KIF20B: variants seen among roughly 807,000 people sequenced by gnomAD.
KIF20B encodes kinesin family member 20B.
A neutral mutation model predicts 232.5 loss-of-function variants in KIF20B; 188 were observed. The ratio of observed to expected loss-of-function variants is 0.81; its 90% confidence interval spans 0.72 to 0.91. The LOEUF (loss-of-function observed/expected upper bound fraction) is 0.91. KIF20B is among the 40% of genes least tolerant of loss of function. The pLI is 0.00. For synonymous variants in KIF20B, 712 were observed against 683.0 expected (o/e 1.04, Z -0.66); for missense variants, 2,154 against 2,055.9 (o/e 1.05, Z -0.92).
chr10:89,721,821 AT>A (rs1843063969), intron 13 of KIF20B, among the ~76,000 whole-genome samples: 1 of 152,174 alleles, frequency 6.6e-6, no homozygotes, highest in Non-Finnish European at 1.5e-5. Flanking sequence ...ATAAATGCTT[AT>A]CATATAAGAT....
chr10:89,731,245 A>G (rs1236733366), intron 18 of KIF20B, among the ~76,000 whole-genome samples: 10 of 152,188 alleles, frequency 6.6e-5, no homozygotes, highest in Non-Finnish European at 1.5e-4. Flanking sequence ...TTCACATGGG[A>G]TTATATTTAT....
In KIF20B at chr10:89,768,981, G is replaced by T. The variant is rs1057363249; in HGVS notation, c.5242+93G>T. On this transcript the variant is annotated intron_variant, in intron 31 of 32. Coordinates refer to ENST00000371728, the MANE Select transcript of KIF20B (RefSeq NM_001284259.2). ...TATATAAACTCAACAGCTGTTCAGG[G>T]AATATTATACTTCAAATAGGCATTG... The T allele has an allele frequency of 2.9e-6, 3 of 1,037,262 alleles. No individual in the cohort carries two copies. The African/African-American group carries it at 4.9e-5, about 17-fold the overall frequency. 64.3% of individuals were successfully genotyped at this position (1,037,262 alleles called of 1,614,324 possible). A position where few individuals can be genotyped will look rare whatever the true frequency, so the allele number is the denominator to read the frequency against.
chr10:89,718,845 A>G lies in KIF20B; in HGVS notation c.1407A>G (p.Val469=), dbSNP rs1842989934. 2 of 1,586,322 alleles carry G rather than the reference A, an allele frequency of 1.3e-6. No individual in the cohort carries two copies. The highest frequency in any genetic ancestry group is 1.7e-6 in the Non-Finnish European group (2 of 1,167,478). The change falls in exon 12 of 33, where the codon GTA becomes GTG. Residue 469 remains valine (V), a synonymous_variant. Transcript: ENST00000371728. ...CYLAYDETLN[V]LKFSAIAQKV... is the part of the protein sequence containing the mutation. ...TAGCCTATGATGAAACACTCAATGT[A>G]TTGAAGTTCTCCGCCATTGCACAAA...
chr10:89,770,355 A>G (rs1842439071), intron 31 of KIF20B, among the ~76,000 whole-genome samples: 1 of 152,034 alleles, frequency 6.6e-6, no homozygotes, highest in African/African-American at 2.4e-5. Context: ...ACATTTAAAA[A>G]ATGTGTTTGT....
Position 89,723,344 on chromosome 10 carries a change from A to G in KIF20B, c.1723-620A>G, listed in dbSNP as rs9919385. On this transcript the variant is annotated intron_variant, in intron 13 of 32. Coordinates refer to ENST00000371728, the MANE Select transcript of KIF20B (RefSeq NM_001284259.2). ...AATGGTCATGTTAAGTGTTTTATTTATTGCTTTATTTATATATTGCACATT... is the reference window on the plus strand; with the variant it reads ...AATGGTCATGTTAAGTGTTTTATTTGTTGCTTTATTTATATATTGCACATT... 8.5e-3 allele frequency among the ~76,000 whole-genome samples: 1,291 copies of G among 152,268 alleles called. 19 individuals are homozygous for G. The highest frequency in any genetic ancestry group is 0.029 in the African/African-American group (1,225 of 41,542).
chr10:89,709,914 A>G lies in KIF20B; in HGVS notation c.352-13A>G. Reference sequence around the variant, plus strand: ...AATTTTCTAAAAAGAGTTTTTAAAAAATGTTTGCTTAGGTTTTTGGCCCAG... The same window carrying G: ...AATTTTCTAAAAAGAGTTTTTAAAAGATGTTTGCTTAGGTTTTTGGCCCAG... On this transcript the variant is annotated splice_polypyrimidine_tract_variant and intron_variant, in intron 4 of 32. Coordinates refer to ENST00000371728, the MANE Select transcript of KIF20B (RefSeq NM_001284259.2). 6.4e-7 allele frequency: 1 copy of G among 1,560,060 alleles called. No homozygotes were observed. Among genetic ancestry groups the G allele is most frequent in the Non-Finnish European group, 8.6e-7 (1 of 1,158,122 alleles).
At chr10:89,740,129 T>C (rs1459680265) in intron 21 of KIF20B, among the ~76,000 whole-genome samples, 1 of 152,194 alleles carries the variant, frequency 6.6e-6, no homozygotes, top group Non-Finnish European at 1.5e-5. Flanking sequence ...ATTTGCATTC[T>C]TTTGATTGCT....
At position 89,718,682 on chromosome 10, in the gene KIF20B, C is replaced by A. The variant is rs751757311; in HGVS notation, c.1272-28C>A. 1.7e-5 allele frequency: 26 copies of A among 1,571,406 alleles called. No individual in the cohort carries two copies. In the South Asian group the frequency reaches 3.0e-4, roughly 18 times the overall value. ...ATTTCATGAGATGTTTTTTAACTTA[C>A]AATGTTTTCTGAAAATTTTTTCTGT... On this transcript the variant is annotated intron_variant, in intron 11 of 32. Transcript: ENST00000371728.
chr10:89,772,281 A>G (rs574162915), intron 31 of KIF20B, among the ~76,000 whole-genome samples: 1 of 152,122 alleles, frequency 6.6e-6, no homozygotes, highest in Admixed American at 6.6e-5. Context: ...TGCAGCATTC[A>G]TTGTGCATAA....
In KIF20B at chr10:89,737,570, A is replaced by G; in HGVS notation, c.2729A>G (p.Lys910Arg). 1 of 1,607,170 alleles carries G rather than the reference A, an allele frequency of 6.2e-7. No individual in the cohort carries two copies. Among genetic ancestry groups the G allele is most frequent in the Non-Finnish European group, 8.5e-7 (1 of 1,177,362 alleles). Residue 910 changes from lysine (K) to arginine (R), a missense_variant, in exon 20 of 33, where the codon AAA becomes AGA. Physicochemically the swap from Lys to Arg is conservative, Grantham distance 26. Transcript: ENST00000371728. The part of the protein sequence containing the change: ...NEKEEKAELN[K>R]QIVHFQQELS... The stretch of plus-strand genomic sequence containing the variant: ...AAGGAAGAAAAAGCAGAATTAAATA[A>G]ACAGATTGTTCATTTTCAGCAGGAA...
At chr10:89,741,105 C>G (rs1299596024) in intron 21 of KIF20B, among the ~76,000 whole-genome samples, 1 of 152,164 alleles carries the variant, frequency 6.6e-6, no homozygotes, top group Admixed American at 6.5e-5. Context: ...AGCTTGTTTT[C>G]CTACAACTAG....
intron 18 of KIF20B, 62 bp downstream of exon 18, chr10:89,729,309 A>G (rs1277486279): frequency 1.5e-6 from 2 of 1,323,730 alleles, no homozygotes; most frequent in African/African-American, 3.1e-5. Flanking sequence ...GGTTGAAAGG[A>G]AATAATTTAA....
At chr10:89,735,589 G>A (rs1474359215) in intron 19 of KIF20B, among the ~76,000 whole-genome samples, 1 of 143,574 alleles carries the variant, frequency 7.0e-6, no homozygotes, top group Non-Finnish European at 1.5e-5. Context: ...CCAGGCTGGA[G>A]TGCAGTGGCA....
At position 89,709,320 on chromosome 10, in the gene KIF20B, T is replaced by A. The variant is rs369401035; in HGVS notation, c.235-25T>A. The stretch of plus-strand genomic sequence containing the variant: ...TTTAAAATGGCAAAATACTAGTTTT[T>A]ATTTATTGGGGGTATGTTTTCTAGG... On this transcript the variant is annotated intron_variant, in intron 3 of 32. Coordinates refer to ENST00000371728, the MANE Select transcript of KIF20B (RefSeq NM_001284259.2). 12 of 1,594,442 alleles carry A rather than the reference T, an allele frequency of 7.5e-6. No homozygotes were observed. The African/African-American group carries it at 1.3e-4, about 18-fold the overall frequency.
chr10:89,757,040 G>GTGTGTGTGTGTGTGTGTATATATATA (rs1301847520), intron 26 of KIF20B, among the ~76,000 whole-genome samples: 12 of 110,744 alleles, frequency 1.1e-4, no homozygotes, highest in African/African-American at 3.7e-4. Context: ...GTGTGTGTGT[G>GTGTGTGTGTGTGTGTGTATATATATA]TATATATATA....
In KIF20B at chr10:89,738,589, G is replaced by A; in HGVS notation, c.3748G>A (p.Glu1250Lys). The A allele has an allele frequency of 1.3e-6, 2 of 1,558,542 alleles. No individual in the cohort carries two copies. Among genetic ancestry groups the A allele is most frequent in the Non-Finnish European group, 1.7e-6 (2 of 1,157,732 alleles). The change falls in exon 20 of 33, where the codon GAA becomes AAA. Residue 1250 changes from glutamate to lysine, a missense_variant. Physicochemically the swap from Glu to Lys is moderately conservative, Grantham distance 56 (BLOSUM62 1). Coordinates refer to ENST00000371728, the MANE Select transcript of KIF20B (RefSeq NM_001284259.2). Reference protein sequence around the residue: ...KHLLQLKEEEEETNRQETEKL... With the variant: ...KHLLQLKEEEKETNRQETEKL... ...TTTACTTCAATTAAAAGAAGAAGAAGAAGAAACCAACAGGCAAGAAACAGA... is the reference window on the plus strand; with the variant it reads ...TTTACTTCAATTAAAAGAAGAAGAAAAAGAAACCAACAGGCAAGAAACAGA...
intron 2 of KIF20B, among the ~76,000 whole-genome samples, chr10:89,707,954 G>T (rs1052986253): frequency 6.6e-6 from 1 of 152,086 alleles, no homozygotes; most frequent in African/African-American, 2.4e-5. Flanking sequence ...ATGGTTAATT[G>T]CCTGGATTGA....
chr10:89,715,610 A>C (rs1842920285), intron 8 of KIF20B, among the ~76,000 whole-genome samples: 1 of 152,214 alleles, frequency 6.6e-6, no homozygotes, highest in African/African-American at 2.4e-5. Flanking sequence ...ATATATTCAT[A>C]TGTAATATTT....
chr10:89,708,501 G>A (rs572317354), intron 2 of KIF20B, among the ~76,000 whole-genome samples: 45 of 152,210 alleles, frequency 3.0e-4, no homozygotes, highest in Middle Eastern at 6.8e-3. Flanking sequence ...ATGAGCCACC[G>A]CTCCTGGCCT....
Sources: allele counts gnomAD v4.1 joint callset (sites outside exome capture counted in the v4.1 genomes callset), GRCh38; gene constraint gnomAD v4.1.1; transcripts MANE v1.5; gene names NCBI Gene and HGNC (gene_info 2026-07-23, HGNC 2026-07-21).